The following NATD1 variants were observed in gnomAD, a reference collection of about 807,000 sequenced individuals.
NATD1 encodes the protein N-acetyltransferase domain containing 1.
In NATD1, 9 loss-of-function variants were observed where a neutral mutation model predicts 12.0. The ratio of observed to expected loss-of-function variants is 0.75; its 90% CI spans 0.45 to 1.30. The LOEUF is 1.30. NATD1 is among the 50% of genes most tolerant of loss of function. The pLI is 0.00. For synonymous variants in NATD1, 71 were observed against 65.9 expected, an observed-to-expected ratio of 1.08 and a Z score of -0.37; for missense variants, 148 against 148.5, an observed-to-expected ratio of 1.00 and a Z score of 0.02.
intron 1 of NATD1, among the ~76,000 whole-genome samples, chr17:21,247,769 A>G (rs1356363879): frequency 6.6e-6 from 1 of 152,194 alleles, no homozygotes; most frequent in Admixed American, 6.5e-5. Context: ...ATAAGGGCCT[A>G]TGGCCTGGAC....
At chr17:21,253,009 C>A (rs1038784145) in intron 1 of NATD1, 150 bp downstream of exon 1, 35 of 259,066 alleles carry the variant, frequency 1.4e-4, no homozygotes, top group African/African-American at 8.1e-4. Context: ...CCGGGACCAC[C>A]CCGCGGCGCG....
At chr17:21,251,370 G>A (rs1975375107) in intron 1 of NATD1, among the ~76,000 whole-genome samples, 1 of 151,852 alleles carries the variant, frequency 6.6e-6, no homozygotes, top group Non-Finnish European at 1.5e-5. Context: ...AGCCCACAAG[G>A]GAACCAGAGG....
chr17:21,243,538 C>T, intron 2 of NATD1, 109 bp from the exon 3 acceptor site: 2 of 777,262 alleles, frequency 2.6e-6, no homozygotes, highest in Non-Finnish European at 4.2e-6. Flanking sequence ...TTCCACTTTG[C>T]CCAGGTCAGT....
chr17:21,243,937 G>A (rs1975302489), intron 2 of NATD1, among the ~76,000 whole-genome samples, 169 bp downstream of exon 2: 1 of 152,150 alleles, frequency 6.6e-6, no homozygotes, highest in Admixed American at 6.5e-5. Flanking sequence ...AGCCACGCCA[G>A]GGTCTTGCAG....
chr17:21,251,337 C>A (rs924282072), intron 1 of NATD1, among the ~76,000 whole-genome samples: 5 of 150,544 alleles, frequency 3.3e-5, no homozygotes, highest in Admixed American at 1.3e-4. Flanking sequence ...TTCTTTCTGT[C>A]TCTGAGTATA....
At chr17:21,246,626 G>A (rs1975327457) in intron 1 of NATD1, among the ~76,000 whole-genome samples, 1 of 152,130 alleles carries the variant, frequency 6.6e-6, no homozygotes, top group African/African-American at 2.4e-5. Flanking sequence ...GTTTGGGGCT[G>A]TAGTGAGATA....
rs919902313 is a variant in NATD1, at chr17:21,253,367, G to A, written c.-103C>T. ...GCGCGGGCGCAGGCGGCAGGCGGTGGGGTAGTTACGGCCTGGGAGACCGCA... is the reference window on the plus strand; with the variant it reads ...GCGCGGGCGCAGGCGGCAGGCGGTGAGGTAGTTACGGCCTGGGAGACCGCA... On this transcript the variant is annotated 5_prime_UTR_variant, in exon 1 of 3. Transcript: ENST00000611551. 4.4e-4 allele frequency: 139 copies of A among 316,372 alleles called. No homozygotes were observed. The highest frequency in any genetic ancestry group is 3.1e-3 in the African/African-American group (135 of 43,750). The allele number at this position is 316,372 out of a possible 1,614,324, so 19.6% of individuals were successfully genotyped here.
rs1468133550 is a variant in NATD1 at position 21,238,931 on chromosome 17, A to ACAT, written c.*4379_*4381dup. The ACAT allele has an allele frequency of 1.3e-5, 2 of 152,220 alleles. No homozygotes were observed. Among genetic ancestry groups the ACAT allele is most frequent in the African/African-American group, 4.8e-5 (2 of 41,444 alleles). The allele number at this position is 152,220 out of a possible 1,614,324, so 9.4% of individuals were successfully genotyped here. On this transcript the variant is annotated 3_prime_UTR_variant, in exon 3 of 3. Transcript: ENST00000611551. Reference sequence around the variant, plus strand: ...AGCCGTAAGACTGATACAACTGAAAACATAACCCTAAATTTGATTCTGCAG... The same window carrying ACAT: ...AGCCGTAAGACTGATACAACTGAAAACATCATAACCCTAAATTTGATTCTGCAG...
At chr17:21,248,049 C>T (rs923649110) in intron 1 of NATD1, among the ~76,000 whole-genome samples, 5 of 151,838 alleles carry the variant, frequency 3.3e-5, no homozygotes, top group African/African-American at 7.3e-5. Context: ...GGGGTGGCCA[C>T]GGTGGTGGTG....
intron 1 of NATD1, among the ~76,000 whole-genome samples, chr17:21,245,094 G>A (rs1032814373): frequency 6.6e-6 from 1 of 152,200 alleles, no homozygotes; most frequent in African/African-American, 2.4e-5. Context: ...TGTGTAGGAT[G>A]CCAGGGAATG....
chr17:21,246,928 C>T (rs990820024), intron 1 of NATD1, among the ~76,000 whole-genome samples: 4 of 152,090 alleles, frequency 2.6e-5, no homozygotes, highest in Non-Finnish European at 4.4e-5. Flanking sequence ...CCAAACAAGC[C>T]GGGAGTGAGG....
At chr17:21,252,378 G>C (rs949847881) in intron 1 of NATD1, among the ~76,000 whole-genome samples, 6 of 152,128 alleles carry the variant, frequency 3.9e-5, no homozygotes, top group African/African-American at 1.2e-4. Flanking sequence ...AATCACGATC[G>C]GGCCACGTTT....
At chr17:21,246,183 C>T (rs561717205) in intron 1 of NATD1, among the ~76,000 whole-genome samples, 15 of 152,118 alleles carry the variant, frequency 9.9e-5, no homozygotes, top group Admixed American at 2.6e-4. Flanking sequence ...GGAGATCTTA[C>T]GTACTGATGA....
chr17:21,250,772 C>T (rs527386068), intron 1 of NATD1, among the ~76,000 whole-genome samples: 4 of 152,280 alleles, frequency 2.6e-5, no homozygotes, highest in Admixed American at 6.5e-5. Context: ...AAACGTTTTC[C>T]CTCACTCAGA....
At position 21,243,171 on chromosome 17, in the gene NATD1, G is replaced by T; in HGVS notation, c.*142C>A. Reference sequence around the variant, plus strand: ...ATTGGTCAGCTGCCTCCAGGGATCTGGACGTGGGGCACAGATGAGTGTCCT... The same window carrying T: ...ATTGGTCAGCTGCCTCCAGGGATCTTGACGTGGGGCACAGATGAGTGTCCT... On this transcript the variant is annotated 3_prime_UTR_variant, in exon 3 of 3. Transcript: ENST00000611551. The T allele has an allele frequency of 1.5e-6, 1 of 647,952 alleles. No individual in the cohort carries two copies. The allele number at this position is 647,952 out of a possible 1,614,324, so 40.1% of individuals were successfully genotyped here.
At chr17:21,246,597 G>C (rs1975327272) in intron 1 of NATD1, among the ~76,000 whole-genome samples, 1 of 152,098 alleles carries the variant, frequency 6.6e-6, no homozygotes, top group Non-Finnish European at 1.5e-5. Context: ...TGAGGCGGGA[G>C]AATCACTTGA....
At chr17:21,252,925 C>T (rs1259013989) in intron 1 of NATD1, among the ~76,000 whole-genome samples, 2 of 151,820 alleles carry the variant, frequency 1.3e-5, no homozygotes, top group East Asian at 3.9e-4. Context: ...CAGCCCGTTC[C>T]ACTTCCCGGA....
Position 21,253,277 on chromosome 17 carries a change from C to G in NATD1, c.-13G>C, listed in dbSNP as rs1975397172. 1.0e-6 allele frequency: 1 copy of G among 982,840 alleles called. No individual in the cohort carries two copies. The highest frequency in any genetic ancestry group is 1.2e-6 in the Non-Finnish European group (1 of 827,870). The allele number at this position is 982,840 out of a possible 1,614,324, so 60.9% of individuals were successfully genotyped here. A position where few individuals can be genotyped will look rare whatever the true frequency, so the allele number is the denominator to read the frequency against. On this transcript the variant is annotated 5_prime_UTR_variant, in exon 1 of 3. Transcript: ENST00000611551. ...CCGAGTGCGCCATCTGCGCGCGGGG[C>G]TGCGGCGCGGCGCCGGCGGGGGCCG... is the stretch of plus-strand genomic sequence containing the variant.
rs1975344613 is a variant in NATD1 at position 21,248,333 on chromosome 17, A to G, written c.107-4109T>C. 2.0e-5 allele frequency among the ~76,000 whole-genome samples: 3 copies of G among 152,116 alleles called. No individual in the cohort carries two copies. The South Asian group carries it at 6.2e-4, about 32-fold the overall frequency. ...TCCCAGGAAAATGCCCAAGTCCCCA[A>G]AGCTTGACCAAGGTCCTTGGCTCCT... On this transcript the variant is annotated intron_variant, in intron 1 of 2. Coordinates refer to ENST00000611551, the MANE Select transcript of NATD1 (RefSeq NM_152914.3).
Sources: gnomAD v4.1 joint callset for allele counts (sites outside exome capture counted in the v4.1 genomes callset) on GRCh38, gnomAD v4.1.1 for gene constraint, MANE v1.5 for transcripts, NCBI Gene and HGNC (gene_info 2026-07-23, HGNC 2026-07-21) for gene names.